The following C22orf23 variants were observed in gnomAD, a reference collection of about 807,000 sequenced individuals.
C22orf23 encodes UPF0193 protein EVG1.
Under a neutral mutation model 29.7 loss-of-function variants are expected in C22orf23, and 30 were observed. The observed-to-expected ratio is 1.01, with a 90% confidence interval of 0.76 to 1.37. The LOEUF is 1.37. Among genes scored for constraint, C22orf23 ranks in the 40% most tolerant of loss-of-function variants. The pLI, the probability that C22orf23 is intolerant of heterozygous loss-of-function variation, is 0.00. For synonymous variants in C22orf23, 90 were observed against 96.1 expected (o/e 0.94, Z 0.37); for missense variants, 237 against 273.1 (o/e 0.87, Z 0.93).
At position 37,944,055 on chromosome 22, in the gene C22orf23, G is replaced by A. The variant is rs1166374273; in HGVS notation, c.*120C>T. 1.2e-5 allele frequency: 11 copies of A among 919,008 alleles called. No individual in the cohort carries two copies. In the African/African-American group the frequency reaches 1.5e-4, roughly 12 times the overall value. 56.9% of individuals were successfully genotyped at this position (919,008 alleles called of 1,614,324 possible). A position where few individuals can be genotyped will look rare whatever the true frequency, so the allele number is the denominator to read the frequency against. On this transcript the variant is annotated 3_prime_UTR_variant, in exon 7 of 7. Coordinates refer to ENST00000403305, the MANE Select transcript of C22orf23 (RefSeq NM_032561.5). ...TTGGGGTACTGCAGGGCAGTGCTAT[G>A]CCACCACCTGACGTGGCAGAAGGCT...
rs557446438 is a variant in C22orf23 at position 37,946,655 on chromosome 22, G to A, written c.349+626C>T. ...AACACTTTGGGAGGCCAGGGTGGGC[G>A]GATCACTTGAGGCCAGGAGTTCAAG... On this transcript the variant is annotated intron_variant, in intron 4 of 6. Transcript: ENST00000403305. 8.7e-4 allele frequency among the ~76,000 whole-genome samples: 131 copies of A among 151,426 alleles called. 2 individuals are homozygous for A. Among genetic ancestry groups the A allele is most frequent in the Admixed American group, 2.8e-3 (42 of 15,192 alleles).
At chr22:37,950,774 C>T (rs544965481) in intron 3 of C22orf23, among the ~76,000 whole-genome samples, 24 of 151,908 alleles carry the variant, frequency 1.6e-4, no homozygotes, top group Admixed American at 2.6e-4. Flanking sequence ...GGCATGGTGG[C>T]GCACGCCTGT....
rs1320808727 is a variant in C22orf23, at chr22:37,944,459, C to T, written c.540G>A (p.Gln180=). 1.9e-6 allele frequency: 3 copies of T among 1,614,082 alleles called. No individual in the cohort carries two copies. The highest frequency in any genetic ancestry group is 2.5e-6 in the Non-Finnish European group (3 of 1,180,052). The part of the protein sequence containing the change: ...EFLADMEALG[Q]GKQYRGIILA... ...GGATGATTCCTCGGTACTGTTTGCC[C>T]TGTCCCAGGGCCTCCATGTCAGCCA... Residue 180 remains glutamine, a synonymous_variant, in exon 6 of 7, where the codon CAG becomes CAA. Transcript: ENST00000403305.
upstream of C22orf23, chr22:37,953,644 C>A: frequency 1.0e-6 from 1 of 997,276 alleles, no homozygotes; most frequent in Non-Finnish European, 1.4e-6. Flanking sequence ...ACTTTCCCCG[C>A]TCTGTCCTGC....
chr22:37,949,203 T>C (rs900183401), intron 3 of C22orf23, among the ~76,000 whole-genome samples: 3 of 151,798 alleles, frequency 2.0e-5, no homozygotes, highest in Non-Finnish European at 4.4e-5. Flanking sequence ...CCCCAGGCGA[T>C]CCAAGTGTGT....
At chr22:37,952,721 G>T (rs1931133228) in intron 2 of C22orf23, 3 of 236,840 alleles carry the variant, frequency 1.3e-5, no homozygotes, top group South Asian at 1.4e-4. Context: ...CCAACCCTCC[G>T]TCCGTGGACT....
rs1395901084 is a variant in C22orf23 at position 37,953,089 on chromosome 22, T to C, written c.61A>G (p.Lys21Glu). The C allele has an allele frequency of 6.2e-7, 1 of 1,613,850 alleles. No homozygotes were observed. The highest frequency in any genetic ancestry group is 1.7e-5 in the Admixed American group (1 of 60,004). ...GTCCCCGGGGTGTAAGTGATGGTCT[T>C]GGGGCGGCGCCGGAACCCAGTTCCT... ...TKGTGFRRRP[K>E]TITYTPGTCE... Residue 21 changes from lysine to glutamate, a missense_variant, in exon 2 of 7, where the codon AAG becomes GAG. Transcript: ENST00000403305.
intron 2 of C22orf23, 80 bp from the exon 3 acceptor site, chr22:37,951,602 C>G: frequency 8.0e-7 from 1 of 1,246,276 alleles, no homozygotes. Flanking sequence ...AATTTAAAAC[C>G]CTACATCCTA....
intron 2 of C22orf23, chr22:37,951,889 C>A (rs1431531755): frequency 7.2e-6 from 1 of 138,452 alleles, no homozygotes; most frequent in Non-Finnish European, 1.5e-5. Flanking sequence ...GACCTCAGCT[C>A]ACTGCAATCT....
chr22:37,946,362 G>A (rs1021739495), intron 4 of C22orf23, among the ~76,000 whole-genome samples: 11 of 151,516 alleles, frequency 7.3e-5, no homozygotes, highest in Admixed American at 7.2e-4. Flanking sequence ...GGAGGTGGAG[G>A]TTGCAGTGAG....
At chr22:37,949,449 ATTTTTTT>A (rs71195070) in intron 3 of C22orf23, among the ~76,000 whole-genome samples, 20 of 70,928 alleles carry the variant, frequency 2.8e-4, no homozygotes, top group East Asian at 1.3e-3. Flanking sequence ...CGCCTGGCTA[ATTTTTTT>A]TTTTTTTTTT....
chr22:37,943,302 G>C lies in C22orf23; in HGVS notation c.*873C>G, dbSNP rs1208389183. 1 of 152,192 alleles carries C rather than the reference G, an allele frequency of 6.6e-6. No individual in the cohort carries two copies. The highest frequency in any genetic ancestry group is 1.5e-5 in the Non-Finnish European group (1 of 68,100). The allele number at this position is 152,192 out of a possible 1,614,324, so 9.4% of individuals were successfully genotyped here. ...CTCGCAGATGCACAAGCACGGAGCT[G>C]GTGGGTTTTGCCCAAGAAAGGTCAC... On this transcript the variant is annotated 3_prime_UTR_variant, in exon 7 of 7. Transcript: ENST00000403305.
chr22:37,944,329 C>T, intron 6 of C22orf23, 83 bp from the exon 7 acceptor site: 1 of 1,613,422 alleles, frequency 6.2e-7, no homozygotes, highest in Non-Finnish European at 8.5e-7. Flanking sequence ...AGCCTGACCC[C>T]TGAACCCTGC....
At chr22:37,944,943 C>A in intron 5 of C22orf23, 99 bp downstream of exon 5, 1 of 1,202,600 alleles carries the variant, frequency 8.3e-7, no homozygotes, top group Non-Finnish European at 1.2e-6. Flanking sequence ...CACTTGTTGG[C>A]CCTTGGCCCT....
chr22:37,953,004 C>T (rs1178285077), intron 2 of C22orf23, 43 bp downstream of exon 2: 2 of 1,466,128 alleles, frequency 1.4e-6, no homozygotes, highest in Admixed American at 1.9e-5. Flanking sequence ...GAAACCGGTC[C>T]CTGGTGCCAA....
Position 37,944,452 on chromosome 22 carries a change from G to T in C22orf23, c.547C>A (p.Gln183Lys). 6.2e-7 allele frequency: 1 copy of T among 1,614,176 alleles called. No homozygotes were observed. The highest frequency in any genetic ancestry group is 8.5e-7 in the Non-Finnish European group (1 of 1,180,036). ...ADMEALGQGK[Q>K]YRGIILAEIS... is the part of the protein sequence containing the mutation. ...TCAGCAAGGATGATTCCTCGGTACT[G>T]TTTGCCCTGTCCCAGGGCCTCCATG... Residue 183 changes from glutamine (Q) to lysine (K), a missense_variant, in exon 6 of 7, where the codon CAG (glutamine) becomes AAG (lysine). Transcript: ENST00000403305.
intron 2 of C22orf23, chr22:37,951,788 C>A: frequency 7.1e-6 from 1 of 140,346 alleles, no homozygotes; most frequent in Non-Finnish European, 1.4e-5. Flanking sequence ...AATATTTTTT[C>A]CTCTTTCTCT....
In C22orf23 at chr22:37,944,213, T is replaced by C; in HGVS notation, c.616A>G (p.Arg206Gly). 6.2e-7 allele frequency: 1 copy of C among 1,614,190 alleles called. No homozygotes were observed. Residue 206 changes from arginine (R) to glycine (G), a missense_variant, in exon 7 of 7, where the codon AGG (arginine) becomes GGG (glycine). Physicochemically the swap from Arg to Gly is moderately radical, Grantham distance 125. Transcript: ENST00000403305. ...LREMEDIDHR[R>G]SEELRKGLAT... Reference sequence around the variant, plus strand: ...AGACCCTTCCTAAGTTCCTCACTCCTTCTGTGGTCAATGTCTTCCATTTCC... The same window carrying C: ...AGACCCTTCCTAAGTTCCTCACTCCCTCTGTGGTCAATGTCTTCCATTTCC...
At chr22:37,952,454 G>A (rs534962487) in intron 2 of C22orf23, among the ~76,000 whole-genome samples, 63 of 152,248 alleles carry the variant, frequency 4.1e-4, no homozygotes, top group Admixed American at 3.9e-3. Context: ...GTGATCTAAA[G>A]GATGCATAGG....
Sources: gnomAD v4.1 joint callset for allele counts (sites outside exome capture counted in the v4.1 genomes callset) on GRCh38, gnomAD v4.1.1 for gene constraint, MANE v1.5 for transcripts, NCBI Gene and HGNC (gene_info 2026-07-23, HGNC 2026-07-21) for gene names.